FUZ: variants seen among roughly 807,000 people sequenced by gnomAD.
The protein encoded by FUZ is fuzzy planar cell polarity protein, also known as protein fuzzy homolog.
In FUZ, 31 loss-of-function variants were observed where a neutral mutation model predicts 43.1. The ratio of observed to expected loss-of-function variants is 0.72; its 90% CI spans 0.54 to 0.97. FUZ has a LOEUF of 0.97. Ranked by LOEUF, FUZ falls within the 50% of genes least tolerant of loss-of-function variation. FUZ has a pLI of 0.00. For synonymous variants in FUZ, 274 were observed against 250.0 expected, an observed-to-expected ratio of 1.10 and a Z score of -0.91; for missense variants, 539 against 543.8, an observed-to-expected ratio of 0.99 and a Z score of 0.09.
chr19:49,808,925 CG>C, intron 7 of FUZ, 102 bp from the exon 8 acceptor site: 1 of 894,766 alleles, frequency 1.1e-6, no homozygotes. Flanking sequence ...TCGGGAGGGG[CG>C]GGGCCTGCAA....
chr19:49,807,340 G>C lies in FUZ; in HGVS notation c.1068C>G (p.Val356=). The stretch of plus-strand genomic sequence containing the variant: ...AAGCTCTGGGCAGCTGGGCCTGGTA[G>C]ACCTCATCTTCTGTCTTCTCTGGTG... The part of the protein sequence containing the change: ...PGPPEKTEDE[V]YQAQLPRACY... The change falls in exon 11 of 11, where the codon GTC becomes GTG. Residue 356 remains valine (V), a synonymous_variant. Transcript: ENST00000313777. 1 of 1,613,564 alleles carries C rather than the reference G, an allele frequency of 6.2e-7. No homozygotes were observed. Among genetic ancestry groups the C allele is most frequent in the Non-Finnish European group, 8.5e-7 (1 of 1,179,944 alleles).
rs572403849 is a variant in FUZ at position 49,809,893 on chromosome 19, G to A, written c.493-318C>T. On this transcript the variant is annotated intron_variant, in intron 5 of 10. Coordinates refer to ENST00000313777, the MANE Select transcript of FUZ (RefSeq NM_025129.5). This position sits in a 1 kb window ranked among gnomAD's most constrained non-coding sequence, Gnocchi z 5.1. ...ATGCCGAGTAGGCACCATTAGCAAC[G>A]TAGAGAAGCCAAGTCACCTGCTGAG... 4 of 458,754 alleles carry A rather than the reference G, an allele frequency of 8.7e-6. No homozygotes were observed. The highest frequency in any genetic ancestry group is 4.4e-5 in the East Asian group (1 of 22,812). 28.4% of individuals were successfully genotyped at this position (458,754 alleles called of 1,614,324 possible). A position where few individuals can be genotyped will look rare whatever the true frequency, so the allele number is the denominator to read the frequency against.
At chr19:49,808,059 G>A (rs1199511199) in intron 10 of FUZ, 1 of 384,458 alleles carries the variant, frequency 2.6e-6, no homozygotes. Flanking sequence ...CATGAGCTGA[G>A]CCTCAGTTTC....
At position 49,809,450 on chromosome 19, in the gene FUZ, G is replaced by A. The variant is rs760018533; in HGVS notation, c.618C>T (p.Pro206=). 1.3e-6 allele frequency: 2 copies of A among 1,551,094 alleles called. No homozygotes were observed. Among genetic ancestry groups the A allele is most frequent in the African/African-American group, 1.4e-5 (1 of 73,506 alleles). ...GCGGCGGCAGGGACCCCACCAGCCA[G>A]GGGAGCAGCACGGCCTCGGGCGTCC... ...RLGTPEAVLL[P]WLVGSLPPQT... is the part of the protein sequence containing the mutation. The change falls in exon 6 of 11, where the codon CCC becomes CCT. Residue 206 remains proline, a synonymous_variant. Coordinates refer to ENST00000313777, the MANE Select transcript of FUZ (RefSeq NM_025129.5). The surrounding 1 kb of genome is among the most constrained non-coding windows in gnomAD (Gnocchi z 5.1).
At chr19:49,808,313 G>T in intron 10 of FUZ, 101 bp downstream of exon 10, 1 of 1,215,276 alleles carries the variant, frequency 8.2e-7, no homozygotes, top group Non-Finnish European at 1.2e-6. Context: ...TGCATACTGG[G>T]TTCCTCCGGA....
Position 49,810,551 on chromosome 19 carries a change from C to T in FUZ, c.492+812G>A, listed in dbSNP as rs552170071. ...TAGCTGGGCCAGGCGTGGTGACCAG[C>T]GCTTATAATCCTAGCTACTCGGGAG... is the stretch of plus-strand genomic sequence containing the variant. On this transcript the variant is annotated intron_variant, in intron 5 of 10. Transcript: ENST00000313777. Among the ~76,000 whole-genome samples, 14 of 151,380 alleles carry T rather than the reference C, an allele frequency of 9.2e-5. No homozygotes were observed. In the East Asian group the frequency reaches 1.9e-3, roughly 21 times the overall value.
intron 10 of FUZ, 184 bp downstream of exon 10, chr19:49,808,230 G>T: frequency 2.9e-6 from 2 of 688,314 alleles, no homozygotes; most frequent in African/African-American, 1.8e-5. Flanking sequence ...GCCAGGCGGG[G>T]ACCTCCCTTC....
In FUZ at chr19:49,807,228, G is replaced by A. The variant is rs2073430913; in HGVS notation, c.1180C>T (p.Leu394=). Residue 394 remains leucine, a synonymous_variant, in exon 11 of 11, where the codon CTG becomes TTG. Coordinates refer to ENST00000313777, the MANE Select transcript of FUZ (RefSeq NM_025129.5). ...QLGLRRLLLL[L]SPQSPTHGLR... is the part of the protein sequence containing the mutation. ...CCATGGGTGGGACTCTGGGGAGACA[G>A]CAGCAGCAGCAGCCGCCGAAGCCCC... The A allele has an allele frequency of 6.4e-7, 1 of 1,563,996 alleles. No homozygotes were observed. The highest frequency in any genetic ancestry group is 8.7e-7 in the Non-Finnish European group (1 of 1,152,620).
At chr19:49,807,777 G>A (rs12462675) in intron 10 of FUZ, among the ~76,000 whole-genome samples, 1,970 of 152,276 alleles carry the variant, frequency 0.013, 81 homozygotes, top group East Asian at 0.095. Context: ...AGCTAAGAAG[G>A]GGTGCAGCCC....
upstream of FUZ, chr19:49,813,307 C>T (rs968931051): frequency 4.4e-6 from 3 of 675,590 alleles, no homozygotes; most frequent in Non-Finnish European, 8.2e-6. Flanking sequence ...CCCCCAAACC[C>T]ATTAGGTTCT....
Position 49,813,047 on chromosome 19 carries a change from C to G in FUZ, c.60G>C (p.Gly20=). 6.4e-7 allele frequency: 1 copy of G among 1,551,286 alleles called. No individual in the cohort carries two copies. Among genetic ancestry groups the G allele is most frequent in the Non-Finnish European group, 8.7e-7 (1 of 1,146,984 alleles). ...VHLLCLAASS[G]VPLFCRSSRG... The stretch of plus-strand genomic sequence containing the variant: ...GACTGCTCCTGCAGAATAGGGGGAC[C>G]CCGCTGGAGGCCGCGAGGCACAGCA... Residue 20 remains glycine (G), a synonymous_variant, in exon 1 of 11, where the codon GGG becomes GGC. Coordinates refer to ENST00000313777, the MANE Select transcript of FUZ (RefSeq NM_025129.5).
At chr19:49,812,590 C>G (rs2073845350) in intron 2 of FUZ, 25 bp downstream of exon 2, 5 of 1,614,020 alleles carry the variant, frequency 3.1e-6, no homozygotes, top group Admixed American at 3.3e-5. Context: ...GGCCCTGTCC[C>G]TGTCCCACGT....
At position 49,808,834 on chromosome 19, in the gene FUZ, C is replaced by T. The variant is rs760268753; in HGVS notation, c.787-11G>A. 54 of 1,525,206 alleles carry T rather than the reference C, an allele frequency of 3.5e-5. No individual in the cohort carries two copies. Among genetic ancestry groups the T allele is most frequent in the Non-Finnish European group, 4.5e-5 (51 of 1,137,082 alleles). The allele number at this position is 1,525,206 out of a possible 1,614,324, so 94.5% of individuals were successfully genotyped here. A position where few individuals can be genotyped will look rare whatever the true frequency, so the allele number is the denominator to read the frequency against. ...CCAGCGCTCCAGAAGCTGCAGGGGGCGTGGTCATTGTGAGGTCGTCATGGG... is the reference window on the plus strand; with the variant it reads ...CCAGCGCTCCAGAAGCTGCAGGGGGTGTGGTCATTGTGAGGTCGTCATGGG... On this transcript the variant is annotated splice_polypyrimidine_tract_variant and intron_variant, in intron 7 of 10. Coordinates refer to ENST00000313777, the MANE Select transcript of FUZ (RefSeq NM_025129.5).
At chr19:49,808,268 C>T (rs889617903) in intron 10 of FUZ, 146 bp downstream of exon 10, 2 of 832,048 alleles carry the variant, frequency 2.4e-6, no homozygotes, top group Middle Eastern at 3.3e-4. Context: ...CATCAATGCT[C>T]AGATCTCAAG....
At chr19:49,808,293 T>C in intron 10 of FUZ, 121 bp downstream of exon 10, 1 of 998,648 alleles carries the variant, frequency 1.0e-6, no homozygotes. Flanking sequence ...ACCACTGCCC[T>C]ATGGCCCAGT....
intron 10 of FUZ, chr19:49,808,041 C>G (rs1471346435): frequency 1.3e-5 from 5 of 370,598 alleles, no homozygotes; most frequent in Non-Finnish European, 2.6e-5. Context: ...AAATATGGCT[C>G]TGCCACTCAT....
At chr19:49,811,910 C>G (rs2073813579) in intron 3 of FUZ, among the ~76,000 whole-genome samples, 1 of 152,266 alleles carries the variant, frequency 6.6e-6, no homozygotes, top group Non-Finnish European at 1.5e-5. Context: ...GAGTTTGAGA[C>G]CAGCCTGGCC....
At position 49,813,273 on chromosome 19, in the gene FUZ, C is replaced by G. The variant is rs1399103434; in HGVS notation, c.-167G>C. On this transcript the variant is annotated 5_prime_UTR_variant, in exon 1 of 11. Transcript: ENST00000313777. ...GCCTTCTTCACCCAACTCAAACAGACCCTCAAACCCTATTCAGGCACCTCC... is the reference window on the plus strand; with the variant it reads ...GCCTTCTTCACCCAACTCAAACAGAGCCTCAAACCCTATTCAGGCACCTCC... 1.4e-6 allele frequency: 1 copy of G among 720,236 alleles called. No individual in the cohort carries two copies. The highest frequency in any genetic ancestry group is 2.7e-5 in the East Asian group (1 of 37,216). 44.6% of individuals were successfully genotyped at this position (720,236 alleles called of 1,614,324 possible).
chr19:49,812,161 T>C (rs915748026), intron 3 of FUZ, 90 bp downstream of exon 3: 1 of 849,024 alleles, frequency 1.2e-6, no homozygotes, highest in East Asian at 2.6e-5. Context: ...GAAGGAAGTG[T>C]TGGTGGTCTG....
Sources: gnomAD v4.1 joint callset for allele counts (sites outside exome capture counted in the v4.1 genomes callset) on GRCh38, gnomAD v4.1.1 for gene constraint, Gnocchi (gnomAD v3.1) non-coding constraint, MANE v1.5 for transcripts, NCBI Gene and HGNC (gene_info 2026-07-23, HGNC 2026-07-21) for gene names.